ZBTB7C: variants seen among roughly 807,000 people sequenced by gnomAD.
The protein encoded by ZBTB7C is zinc finger and BTB domain-containing protein 7C.
In ZBTB7C, 8 loss-of-function variants were observed where a neutral mutation model predicts 25.7. The ratio of observed to expected loss-of-function variants is 0.31; its 90% CI spans 0.18 to 0.56. The LOEUF is 0.56. Ranked by LOEUF, ZBTB7C falls within the 20% of genes least tolerant of loss-of-function variation. ZBTB7C has a pLI of 0.91. For missense variants in ZBTB7C, 824 were observed against 855.2 expected, an observed-to-expected ratio of 0.96 and a Z score of 0.46; for synonymous variants, 394 against 369.0, an observed-to-expected ratio of 1.07 and a Z score of -0.78.
At chr18:48,325,788 C>T (rs140538079) in intron 2 of ZBTB7C, among the ~76,000 whole-genome samples, 6 of 152,254 alleles carry the variant, frequency 3.9e-5, no homozygotes, top group Non-Finnish European at 4.4e-5. Flanking sequence ...ACCTGCATGA[C>T]AGGTGAAGAA....
intron 2 of ZBTB7C, among the ~76,000 whole-genome samples, chr18:48,221,199 A>G (rs1338397532): frequency 6.9e-6 from 1 of 144,944 alleles, no homozygotes; most frequent in East Asian, 2.1e-4. Flanking sequence ...ATACTGTCCC[A>G]GTCTCCCTCT....
At chr18:48,304,229 G>A (rs1318557083) in intron 2 of ZBTB7C, among the ~76,000 whole-genome samples, 3 of 152,210 alleles carry the variant, frequency 2.0e-5, no homozygotes, top group African/African-American at 7.2e-5. Flanking sequence ...CTTGCACCTG[G>A]TGTACCCCCA....
At chr18:48,168,770 G>A (rs1018356202) in intron 3 of ZBTB7C, among the ~76,000 whole-genome samples, 1 of 152,222 alleles carries the variant, frequency 6.6e-6, no homozygotes, top group Non-Finnish European at 1.5e-5. Context: ...TTTCGTGGAA[G>A]TTGCGTAAAG....
At chr18:48,068,233 G>C (rs2037407427) in intron 3 of ZBTB7C, among the ~76,000 whole-genome samples, 1 of 150,822 alleles carries the variant, frequency 6.6e-6, no homozygotes, top group Non-Finnish European at 1.5e-5. Flanking sequence ...CCGCCTCCCG[G>C]GTTCACACCA....
At chr18:48,390,963 A>G (rs2047887516) in intron 1 of ZBTB7C, among the ~76,000 whole-genome samples, 1 of 152,242 alleles carries the variant, frequency 6.6e-6, no homozygotes, top group African/African-American at 2.4e-5. Flanking sequence ...CATGAAGACA[A>G]CTGCCATGGG....
At chr18:48,044,592 T>C (rs967030927) in intron 3 of ZBTB7C, among the ~76,000 whole-genome samples, 3 of 152,178 alleles carry the variant, frequency 2.0e-5, no homozygotes, top group Non-Finnish European at 4.4e-5. Flanking sequence ...CCACATTTAG[T>C]TTTGGATGCT....
intron 3 of ZBTB7C, among the ~76,000 whole-genome samples, chr18:48,111,236 TG>T (rs1382923742): frequency 6.6e-6 from 1 of 152,078 alleles, no homozygotes; most frequent in African/African-American, 2.4e-5. Context: ...GACCCTAGAA[TG>T]GGGGCTCAAG....
chr18:48,365,143 G>A (rs1248740939), intron 1 of ZBTB7C, among the ~76,000 whole-genome samples: 1 of 152,220 alleles, frequency 6.6e-6, no homozygotes, highest in African/African-American at 2.4e-5. Flanking sequence ...CATATACAGT[G>A]ATGTGTTTAA....
intron 3 of ZBTB7C, among the ~76,000 whole-genome samples, chr18:48,078,956 T>C (rs577544591): frequency 3.9e-5 from 6 of 152,366 alleles, no homozygotes; most frequent in African/African-American, 1.4e-4. Flanking sequence ...ATTCATTCAT[T>C]CATTGATAGA....
At chr18:48,099,277 G>A (rs2038748666) in intron 3 of ZBTB7C, among the ~76,000 whole-genome samples, 1 of 152,230 alleles carries the variant, frequency 6.6e-6, no homozygotes, top group Non-Finnish European at 1.5e-5. Flanking sequence ...AGGGGCATCA[G>A]TGTTCTCCAA....
chr18:48,156,812 C>T (rs955711748), intron 3 of ZBTB7C, among the ~76,000 whole-genome samples: 2 of 150,742 alleles, frequency 1.3e-5, no homozygotes. Flanking sequence ...TTTAAGTCCC[C>T]CTTAGAACAC....
chr18:48,331,787 G>C (rs2046348034), intron 2 of ZBTB7C, among the ~76,000 whole-genome samples: 1 of 152,154 alleles, frequency 6.6e-6, no homozygotes, highest in African/African-American at 2.4e-5. Context: ...GCATAGAAAG[G>C]CTTAAGCTAG....
chr18:48,170,681 G>A (rs1351081896), intron 3 of ZBTB7C, among the ~76,000 whole-genome samples: 1 of 152,124 alleles, frequency 6.6e-6, no homozygotes, highest in Non-Finnish European at 1.5e-5. Context: ...GAGTAAGCAG[G>A]TACTCTTGGG....
At chr18:48,312,170 G>C (rs138594853) in intron 2 of ZBTB7C, among the ~76,000 whole-genome samples, 216 of 152,286 alleles carry the variant, frequency 1.4e-3, no homozygotes, top group Middle Eastern at 6.8e-3. Context: ...CCTGGGCTTC[G>C]GCCACATCTT....
chr18:48,347,136 T>G lies in ZBTB7C; in HGVS notation c.-303-8738A>C, dbSNP rs546013985. On this transcript the variant is annotated intron_variant, in intron 1 of 4. Coordinates refer to ENST00000590800, the MANE Select transcript of ZBTB7C (RefSeq NM_001318841.2). ...CCAGTTTTTGTTTGTTTTTTTTTTT[T>G]TTTTTTTTTTTTGAGACGGAGTCTC... Among the ~76,000 whole-genome samples the G allele has an allele frequency of 3.2e-3, 466 of 144,744 alleles. 3 individuals are homozygous for G. Among genetic ancestry groups the G allele is most frequent in the Non-Finnish European group, 4.7e-3 (307 of 65,834 alleles). The allele number at this position is 144,744 out of a possible 152,430, so 95.0% of individuals were successfully genotyped here.
At chr18:48,133,682 A>T (rs994345884) in intron 3 of ZBTB7C, among the ~76,000 whole-genome samples, 2 of 151,880 alleles carry the variant, frequency 1.3e-5, no homozygotes, top group Non-Finnish European at 2.9e-5. Flanking sequence ...CACACACAAG[A>T]TGGAAAATAA....
At chr18:48,225,504 G>A (rs528589304) in intron 2 of ZBTB7C, among the ~76,000 whole-genome samples, 31 of 152,206 alleles carry the variant, frequency 2.0e-4, no homozygotes, top group African/African-American at 7.0e-4. Flanking sequence ...TATTTCAATC[G>A]TGCTTTCAAT....
intron 1 of ZBTB7C, among the ~76,000 whole-genome samples, chr18:48,371,025 G>C (rs1284556130): frequency 6.6e-6 from 1 of 152,170 alleles, no homozygotes; most frequent in Admixed American, 6.5e-5. Context: ...CGAAGCCCCT[G>C]AAAGTAAGTG....
chr18:48,307,716 C>T (rs1470377236), intron 2 of ZBTB7C, among the ~76,000 whole-genome samples: 1 of 152,126 alleles, frequency 6.6e-6, no homozygotes, highest in African/African-American at 2.4e-5. Context: ...GGCGTGGTGG[C>T]AGGCACCTGT....
Sources: allele counts gnomAD v4.1 joint callset (sites outside exome capture counted in the v4.1 genomes callset), GRCh38; gene constraint gnomAD v4.1.1; transcripts MANE v1.5; gene names NCBI Gene and HGNC (gene_info 2026-07-23, HGNC 2026-07-21).